Variants in CRACDL observed in about 807,000 individuals in gnomAD.
The protein encoded by CRACDL is CRACD-like protein.
Under a neutral mutation model 70.6 loss-of-function variants are expected in CRACDL, and 26 were observed. The observed-to-expected ratio is 0.37, with a 90% CI of 0.27 to 0.51. The LOEUF (loss-of-function observed/expected upper bound fraction) is 0.51. CRACDL is among the 20% of genes least tolerant of loss of function. The probability of loss-of-function intolerance (pLI) is 0.94; values close to 1 mark genes in which losing one functional copy is unlikely to be tolerated. For synonymous variants in CRACDL, 618 were observed against 615.2 expected, an observed-to-expected ratio of 1.00 and a Z score of -0.07; for missense variants, 1,283 against 1,376.9, an observed-to-expected ratio of 0.93 and a Z score of 1.08.
intron 1 of CRACDL, among the ~76,000 whole-genome samples, chr2:98,904,562 T>C (rs1708357851): frequency 6.6e-6 from 1 of 152,256 alleles, no homozygotes; most frequent in African/African-American, 2.4e-5. Flanking sequence ...ATACTGCATA[T>C]GAATGCCCAG....
chr2:98,855,301 A>AT (rs1306202985), intron 1 of CRACDL, among the ~76,000 whole-genome samples: 1 of 152,002 alleles, frequency 6.6e-6, no homozygotes, highest in East Asian at 1.9e-4. Flanking sequence ...AAAAAAAAAA[A>AT]GTTCTTGTTC....
chr2:98,859,272 G>C (rs1315995323), intron 1 of CRACDL, among the ~76,000 whole-genome samples: 1 of 152,146 alleles, frequency 6.6e-6, no homozygotes, highest in Non-Finnish European at 1.5e-5. Flanking sequence ...ATATAAAAGT[G>C]AGTTTTACCT....
At chr2:98,889,833 TG>T (rs1208564920) in intron 1 of CRACDL, among the ~76,000 whole-genome samples, 2 of 152,208 alleles carry the variant, frequency 1.3e-5, no homozygotes, top group Non-Finnish European at 2.9e-5. Context: ...ACAACAGAAT[TG>T]TTAGAAATCA....
At chr2:98,834,843 T>C (rs1220642398) in intron 3 of CRACDL, among the ~76,000 whole-genome samples, 1 of 152,122 alleles carries the variant, frequency 6.6e-6, no homozygotes, top group Admixed American at 6.5e-5. Context: ...TGACTCCACA[T>C]CCAAGATAGA....
chr2:98,864,281 T>C (rs1322425140), intron 1 of CRACDL, among the ~76,000 whole-genome samples: 1 of 152,148 alleles, frequency 6.6e-6, no homozygotes, highest in Non-Finnish European at 1.5e-5. Context: ...CTTGAACACA[T>C]TAACCTAAGT....
chr2:98,889,803 G>A (rs999448802), intron 1 of CRACDL, among the ~76,000 whole-genome samples: 2 of 152,108 alleles, frequency 1.3e-5, no homozygotes, highest in African/African-American at 4.8e-5. Flanking sequence ...TTTAAATCAT[G>A]CAAGGTATGT....
intron 1 of CRACDL, among the ~76,000 whole-genome samples, chr2:98,923,213 G>A (rs748871657): frequency 2.7e-5 from 4 of 150,694 alleles, no homozygotes; most frequent in Non-Finnish European, 5.9e-5. Context: ...GAAAGTTGCA[G>A]TGAGCCGAGA....
At position 98,823,585 on chromosome 2, in the gene CRACDL, G is replaced by A; in HGVS notation, c.736-48C>T. On this transcript the variant is annotated intron_variant, in intron 6 of 9. Coordinates refer to ENST00000397899, the MANE Select transcript of CRACDL (RefSeq NM_207362.3). The surrounding 1 kb of genome is among the most constrained non-coding windows in gnomAD (Gnocchi z 4.0). ...GCATCGTCGCTATAGCCAATTCCAGGAAGCCTGTCACCTCCCCACTTTTTT... is the reference window on the plus strand; with the variant it reads ...GCATCGTCGCTATAGCCAATTCCAGAAAGCCTGTCACCTCCCCACTTTTTT... 2.0e-6 allele frequency: 3 copies of A among 1,536,230 alleles called. No individual in the cohort carries two copies. Among genetic ancestry groups the A allele is most frequent in the Non-Finnish European group, 2.6e-6 (3 of 1,147,014 alleles).
intron 1 of CRACDL, among the ~76,000 whole-genome samples, chr2:98,931,279 C>T (rs141365585): frequency 0.012 from 1,799 of 145,700 alleles, 39 homozygotes; most frequent in African/African-American, 0.044. Flanking sequence ...GAGCAGAGAT[C>T]GCGCCACTGC....
chr2:98,834,283 C>T (rs916184015), intron 3 of CRACDL, among the ~76,000 whole-genome samples: 2 of 152,226 alleles, frequency 1.3e-5, no homozygotes, highest in Admixed American at 6.5e-5. Context: ...CCATTCACTA[C>T]AGCAATATTC....
chr2:98,933,678 A>G (rs34668059), intron 1 of CRACDL, among the ~76,000 whole-genome samples: 53,892 of 152,004 alleles, frequency 0.35, 10,665 homozygotes, highest in African/African-American at 0.53. Flanking sequence ...AGAGCCAGTG[A>G]CTGCAAGGTA....
intron 1 of CRACDL, among the ~76,000 whole-genome samples, chr2:98,889,339 G>T (rs1468159500): frequency 7.3e-6 from 1 of 137,568 alleles, no homozygotes; most frequent in Non-Finnish European, 1.6e-5. Flanking sequence ...AAGAAAGAAA[G>T]AAAGGAAACA....
intron 1 of CRACDL, among the ~76,000 whole-genome samples, chr2:98,858,458 T>C (rs1706797278): frequency 1.5e-5 from 2 of 134,042 alleles, no homozygotes; most frequent in Admixed American, 1.8e-4. Context: ...GAAGTTGCAG[T>C]AAGCCCAGAT....
chr2:98,915,225 G>A (rs935327765), intron 1 of CRACDL, among the ~76,000 whole-genome samples: 7 of 152,230 alleles, frequency 4.6e-5, no homozygotes, highest in African/African-American at 1.7e-4. Context: ...AGACAAGGGG[G>A]CACAGAGTGC....
intron 1 of CRACDL, among the ~76,000 whole-genome samples, chr2:98,894,149 C>T (rs930539238): frequency 6.6e-6 from 1 of 152,234 alleles, no homozygotes; most frequent in African/African-American, 2.4e-5. Flanking sequence ...ATCAGCAATG[C>T]TTCTGCTTAA....
intron 1 of CRACDL, among the ~76,000 whole-genome samples, chr2:98,910,173 GACCTCC>G (rs1365275275): frequency 6.6e-6 from 1 of 152,026 alleles, no homozygotes; most frequent in Non-Finnish European, 1.5e-5. Flanking sequence ...CCTCAGGCAG[GACCTCC>G]CACTTCCCCA....
At chr2:98,867,537 A>G (rs1006777362) in intron 1 of CRACDL, among the ~76,000 whole-genome samples, 4 of 151,224 alleles carry the variant, frequency 2.6e-5, no homozygotes, top group African/African-American at 9.8e-5. Context: ...AGGTCATTAG[A>G]CTAAAAAAAA....
intron 9 of CRACDL, among the ~76,000 whole-genome samples, chr2:98,795,077 A>ATATATATATATATATATAT: frequency 6.8e-5 from 4 of 58,486 alleles, no homozygotes; most frequent in African/African-American, 2.7e-4. Context: ...ATATATATAT[A>ATATATATATATATATATAT]TTTTTTTTTT....
chr2:98,831,154 C>T (rs1431753756), intron 5 of CRACDL, among the ~76,000 whole-genome samples: 1 of 152,190 alleles, frequency 6.6e-6, no homozygotes, highest in Non-Finnish European at 1.5e-5. Flanking sequence ...GCCTGGGTAG[C>T]CCACTGTCCT....
Sources: allele counts gnomAD v4.1 joint callset (sites outside exome capture counted in the v4.1 genomes callset), GRCh38; gene constraint gnomAD v4.1.1; non-coding constraint Gnocchi (gnomAD v3.1); transcripts MANE v1.5; gene names NCBI Gene and HGNC (gene_info 2026-07-23, HGNC 2026-07-21).